Variants in GRM5 observed in about 807,000 individuals in gnomAD.
GRM5 encodes the protein glutamate metabotropic receptor 5.
GRM5 carries 19 observed loss-of-function variants against 83.1 expected under a neutral mutation model. That is an observed-to-expected ratio of 0.23 (90% confidence interval 0.16 to 0.34). The LOEUF is 0.34. Among genes scored for constraint, GRM5 ranks in the 10% least tolerant of loss-of-function variants. The probability of loss-of-function intolerance (pLI) is 1.00; values close to 1 mark genes in which losing one functional copy is unlikely to be tolerated. For missense variants in GRM5, 1,160 were observed against 1,588.3 expected (o/e 0.73, Z 4.58); for synonymous variants, 675 against 633.6 (o/e 1.07, Z -0.98).
intron 3 of GRM5, among the ~76,000 whole-genome samples, chr11:88,768,718 G>A (rs530228297): frequency 2.2e-4 from 33 of 152,060 alleles, no homozygotes; most frequent in Non-Finnish European, 3.4e-4. Context: ...TGAATGGGGA[G>A]AGAGATGGGA....
chr11:88,796,159 C>T (rs891269168), intron 3 of GRM5, among the ~76,000 whole-genome samples: 1 of 152,100 alleles, frequency 6.6e-6, no homozygotes, highest in Non-Finnish European at 1.5e-5. Context: ...GAGACAAGAT[C>T]CATGGACACA....
At chr11:88,657,251 G>A (rs2135312081) in intron 3 of GRM5, among the ~76,000 whole-genome samples, 1 of 152,080 alleles carries the variant, frequency 6.6e-6, no homozygotes, top group East Asian at 1.9e-4. Flanking sequence ...CTAATTTACT[G>A]TTTGCTGCAT....
chr11:88,932,032 G>A (rs1937724577), intron 2 of GRM5, among the ~76,000 whole-genome samples: 1 of 151,914 alleles, frequency 6.6e-6, no homozygotes, highest in South Asian at 2.1e-4. Context: ...TCTCATCAAA[G>A]ACTAAAACAC....
At chr11:88,803,054 G>A (rs531291904) in intron 3 of GRM5, among the ~76,000 whole-genome samples, 1 of 137,206 alleles carries the variant, frequency 7.3e-6, no homozygotes, top group Non-Finnish European at 1.5e-5. Flanking sequence ...ACAAATGGAA[G>A]AACATTCCAT....
At chr11:88,991,494 C>A (rs1430101729) in intron 2 of GRM5, among the ~76,000 whole-genome samples, 1 of 151,704 alleles carries the variant, frequency 6.6e-6, no homozygotes, top group African/African-American at 2.4e-5. Flanking sequence ...CCTTTCTTCA[C>A]AGAATTGGAA....
chr11:88,792,171 G>A (rs983674584), intron 3 of GRM5, among the ~76,000 whole-genome samples: 1 of 151,984 alleles, frequency 6.6e-6, no homozygotes, highest in African/African-American at 2.4e-5. Context: ...AGAAAGTTGG[G>A]CTTTACACTA....
intron 2 of GRM5, among the ~76,000 whole-genome samples, chr11:88,927,615 AAT>A (rs1945812041): frequency 6.6e-6 from 1 of 152,054 alleles, no homozygotes; most frequent in Admixed American, 6.6e-5. Context: ...AATCCACACA[AAT>A]TGGTAGGCAC....
chr11:88,581,471 C>A (rs76590539), intron 7 of GRM5, among the ~76,000 whole-genome samples: 24 of 152,232 alleles, frequency 1.6e-4, no homozygotes, highest in African/African-American at 5.5e-4. Context: ...GACTCCAAAA[C>A]CTTTTGATTT....
chr11:88,937,876 C>T (rs1937952099), intron 2 of GRM5, among the ~76,000 whole-genome samples: 1 of 151,706 alleles, frequency 6.6e-6, no homozygotes, highest in South Asian at 2.1e-4. Flanking sequence ...GTATCTCACA[C>T]TATCACTGTC....
chr11:88,653,488 G>T, intron 3 of GRM5, 85 bp from the exon 4 acceptor site: 1 of 822,178 alleles, frequency 1.2e-6, no homozygotes, highest in Non-Finnish European at 2.0e-6. Context: ...GACAAGATTA[G>T]TCATTAAATG....
intron 3 of GRM5, among the ~76,000 whole-genome samples, chr11:88,674,240 C>A (rs1198154786): frequency 6.6e-6 from 1 of 151,886 alleles, no homozygotes; most frequent in East Asian, 1.9e-4. Flanking sequence ...ACTCCTCTTG[C>A]CACCCTGTTT....
intron 3 of GRM5, among the ~76,000 whole-genome samples, chr11:88,744,041 A>G (rs1288017755): frequency 6.6e-6 from 1 of 152,158 alleles, no homozygotes; most frequent in Non-Finnish European, 1.5e-5. Flanking sequence ...TTAATGTAAG[A>G]AGCATACTAG....
At chr11:88,675,931 G>A (rs1940316034) in intron 3 of GRM5, among the ~76,000 whole-genome samples, 1 of 151,986 alleles carries the variant, frequency 6.6e-6, no homozygotes, top group Non-Finnish European at 1.5e-5. Context: ...GAGAGTCTAA[G>A]CATTCTCACA....
chr11:89,063,972 T>C (rs1412777704), intron 1 of GRM5, among the ~76,000 whole-genome samples: 1 of 152,134 alleles, frequency 6.6e-6, no homozygotes, highest in African/African-American at 2.4e-5. Context: ...TAAACCTGTA[T>C]TGAGTGAGAA....
intron 3 of GRM5, among the ~76,000 whole-genome samples, chr11:88,713,607 A>T (rs979938280): frequency 2.6e-5 from 4 of 152,010 alleles, no homozygotes; most frequent in Non-Finnish European, 5.9e-5. Context: ...GGGTGGAGGC[A>T]TGTTTTCTTG....
At chr11:88,569,961 C>T (rs774146872) in intron 7 of GRM5, among the ~76,000 whole-genome samples, 1 of 151,776 alleles carries the variant, frequency 6.6e-6, no homozygotes, top group African/African-American at 2.4e-5. Context: ...AGCAAGGAAG[C>T]ATGTAGTTCT....
chr11:88,887,333 G>C (rs894573393), intron 2 of GRM5, among the ~76,000 whole-genome samples: 2 of 152,106 alleles, frequency 1.3e-5, no homozygotes, highest in Non-Finnish European at 2.9e-5. Context: ...AAACGCTTTA[G>C]TACAGCCCAT....
intron 3 of GRM5, among the ~76,000 whole-genome samples, chr11:88,727,209 T>C (rs1591470529): frequency 6.6e-6 from 1 of 151,752 alleles, no homozygotes; most frequent in Non-Finnish European, 1.5e-5. Flanking sequence ...ACCAAGCAAA[T>C]GGAAAACAGA....
intron 3 of GRM5, 120 bp from the exon 4 acceptor site, chr11:88,653,523 C>T: frequency 1.6e-6 from 1 of 618,446 alleles, no homozygotes; most frequent in Middle Eastern, 2.6e-4. Flanking sequence ...CATGATGGTC[C>T]TATATTACAC....
Sources: gnomAD v4.1 joint callset for allele counts (sites outside exome capture counted in the v4.1 genomes callset) on GRCh38, gnomAD v4.1.1 for gene constraint, MANE v1.5 for transcripts, NCBI Gene and HGNC (gene_info 2026-07-23, HGNC 2026-07-21) for gene names.